The following MRPL45 variants were observed in gnomAD, a reference collection of about 807,000 sequenced individuals.
MRPL45 encodes large ribosomal subunit protein mL45.
A neutral mutation model predicts 38.1 loss-of-function variants in MRPL45; 20 were observed. The ratio of observed to expected loss-of-function variants is 0.53; its 90% CI spans 0.37 to 0.76. MRPL45 has a LOEUF of 0.76. MRPL45 is among the 30% of genes least tolerant of loss of function. The pLI is 0.00. For missense variants in MRPL45, 337 were observed against 395.6 expected (o/e 0.85, Z 1.26); for synonymous variants, 105 against 128.8 (o/e 0.82, Z 1.25).
chr17:38,302,850 G>A lies in MRPL45; in HGVS notation c.362+3382G>A, dbSNP rs2037012643. Among the ~76,000 whole-genome samples the A allele has an allele frequency of 2.7e-5, 4 of 148,224 alleles. No homozygotes were observed. The South Asian group carries it at 6.5e-4, about 24-fold the overall frequency. On this transcript the variant is annotated intron_variant, in intron 3 of 7. Transcript: ENST00000613675. ...AGTGATTCTCCTGCCTCAGCCTCCC[G>A]AGTAGCTGAGACTACAGGTGTGCGC...
At chr17:38,316,964 A>C (rs2037179835) in intron 4 of MRPL45, among the ~76,000 whole-genome samples, 1 of 151,708 alleles carries the variant, frequency 6.6e-6, no homozygotes, top group African/African-American at 2.4e-5. Flanking sequence ...TACCTGGCTA[A>C]TTTTTGTATT....
intron 4 of MRPL45, among the ~76,000 whole-genome samples, chr17:38,310,918 A>AT (rs901164780): frequency 5.3e-5 from 8 of 151,504 alleles, no homozygotes; most frequent in African/African-American, 7.3e-5. Context: ...GTATTCCTGC[A>AT]TTTTTTTTTA....
In MRPL45 at chr17:38,311,684, C is replaced by CA. The variant is rs756151374; in HGVS notation, c.461+5073dup. Among the ~76,000 whole-genome samples the CA allele has an allele frequency of 4.3e-3, 394 of 92,232 alleles. 2 individuals carry two copies. The highest frequency in any genetic ancestry group is 0.013 in the African/African-American group (346 of 26,406). 60.5% of individuals were successfully genotyped at this position (92,232 alleles called of 152,430 possible). ...CTGGCGACAGAGCGAGACTCCGTCT[C>CA]AAAAAAAAAAAAAAAAAAAAGAGAC... is the stretch of plus-strand genomic sequence containing the variant. On this transcript the variant is annotated intron_variant, in intron 4 of 7. Coordinates refer to ENST00000613675, the MANE Select transcript of MRPL45 (RefSeq NM_032351.6).
At chr17:38,305,416 G>A (rs1286187844) in intron 3 of MRPL45, among the ~76,000 whole-genome samples, 4 of 145,290 alleles carry the variant, frequency 2.8e-5, no homozygotes, top group Non-Finnish European at 6.1e-5. Flanking sequence ...GCAGTGAGCC[G>A]AGATTGCGCC....
At chr17:38,317,561 G>GT (rs991768322) in intron 4 of MRPL45, among the ~76,000 whole-genome samples, 19 of 151,594 alleles carry the variant, frequency 1.3e-4, no homozygotes, top group East Asian at 7.8e-4. Context: ...TCTGTTTTGT[G>GT]TTTTTTTTGT....
At chr17:38,319,473 G>C (rs535284615) in intron 5 of MRPL45, among the ~76,000 whole-genome samples, 25 of 152,216 alleles carry the variant, frequency 1.6e-4, no homozygotes, top group African/African-American at 6.0e-4. Flanking sequence ...GCCCTGCCTG[G>C]TTTTTCTTAA....
rs762121944 is a variant in MRPL45 at position 38,322,209 on chromosome 17, C to T, written c.744C>T (p.Phe248=). The change falls in exon 7 of 8, where the codon TTC becomes TTT. Residue 248 remains phenylalanine (F), a synonymous_variant. Transcript: ENST00000613675. The part of the protein sequence containing the change: ...VPKDVLEYVV[F]EKQLTNPYGS... ...AGGATGTCCTGGAGTATGTTGTATT[C>T]GAAAAGCAGTTGACAAACCCCTATG... The T allele has an allele frequency of 3.1e-6, 5 of 1,613,876 alleles. No homozygotes were observed. Among genetic ancestry groups the T allele is most frequent in the East Asian group, 2.2e-5 (1 of 44,890 alleles).
intron 4 of MRPL45, among the ~76,000 whole-genome samples, chr17:38,312,632 G>A (rs1466901939): frequency 1.3e-5 from 2 of 152,126 alleles, no homozygotes; most frequent in African/African-American, 2.4e-5. Flanking sequence ...TTTGGAGGCC[G>A]AAGTGGGAGG....
chr17:38,300,198 A>G (rs1334919057), intron 3 of MRPL45, among the ~76,000 whole-genome samples: 1 of 151,796 alleles, frequency 6.6e-6, no homozygotes, highest in East Asian at 1.9e-4. Context: ...TTGTATTTTT[A>G]GTAAAGACGG....
At chr17:38,304,763 C>T (rs557626963) in intron 3 of MRPL45, among the ~76,000 whole-genome samples, 2 of 152,026 alleles carry the variant, frequency 1.3e-5, no homozygotes, top group South Asian at 4.1e-4. Flanking sequence ...AGGCCAGTCT[C>T]GAACTCCTGA....
chr17:38,307,058 A>T (rs545023727), intron 4 of MRPL45, among the ~76,000 whole-genome samples: 122 of 151,868 alleles, frequency 8.0e-4, no homozygotes, highest in African/African-American at 2.7e-3. Context: ...TTTGAGATGG[A>T]GTCTCGCTCT....
intron 4 of MRPL45, among the ~76,000 whole-genome samples, chr17:38,317,050 C>T (rs2037181306): frequency 6.6e-6 from 1 of 152,166 alleles, no homozygotes; most frequent in South Asian, 2.1e-4. Flanking sequence ...CCCACCTTGG[C>T]CTCCCAAAGT....
At position 38,306,444 on chromosome 17, in the gene MRPL45, A is replaced by G. The variant is rs2037055525; in HGVS notation, c.363-89A>G. ...AAAAAAGCTAAACAGTTATTGAGTAAGTGGATGGACATGAATGGAGGTCAG... is the reference window on the plus strand; with the variant it reads ...AAAAAAGCTAAACAGTTATTGAGTAGGTGGATGGACATGAATGGAGGTCAG... On this transcript the variant is annotated intron_variant, in intron 3 of 7. Coordinates refer to ENST00000613675, the MANE Select transcript of MRPL45 (RefSeq NM_032351.6). The G allele has an allele frequency of 3.6e-6, 5 of 1,391,674 alleles. No homozygotes were observed. In the Admixed American group the frequency reaches 7.2e-5, roughly 20 times the overall value. The allele number at this position is 1,391,674 out of a possible 1,614,324, so 86.2% of individuals were successfully genotyped here.
chr17:38,322,388 G>A, intron 7 of MRPL45, 89 bp downstream of exon 7: 5 of 1,352,554 alleles, frequency 3.7e-6, no homozygotes, highest in Non-Finnish European at 5.1e-6. Context: ...TGGCGAGAGG[G>A]GGTGATGCAC....
intron 3 of MRPL45, among the ~76,000 whole-genome samples, chr17:38,305,286 G>T (rs2037040512): frequency 7.5e-6 from 1 of 134,148 alleles, no homozygotes; most frequent in African/African-American, 2.6e-5. Context: ...GGTCAGCATG[G>T]TGAAACCCCA....
At chr17:38,316,279 A>T (rs369200416) in intron 4 of MRPL45, among the ~76,000 whole-genome samples, 17 of 152,038 alleles carry the variant, frequency 1.1e-4, no homozygotes, top group Admixed American at 7.9e-4. Flanking sequence ...TGCCTGCTCA[A>T]ACCTGCTGTT....
rs1259050587 is a variant in MRPL45, at chr17:38,322,460, G to A, written c.835-49G>A. The A allele has an allele frequency of 2.6e-6, 4 of 1,522,080 alleles. No homozygotes were observed. In the South Asian group the frequency reaches 4.6e-5, roughly 18 times the overall value. The allele number at this position is 1,522,080 out of a possible 1,614,324, so 94.3% of individuals were successfully genotyped here. Reference sequence around the variant, plus strand: ...GGAGCAAGGGATGAAGCTCTTCTGGGTCAGCCATGGGCTTGGTTGGTGGGT... The same window carrying A: ...GGAGCAAGGGATGAAGCTCTTCTGGATCAGCCATGGGCTTGGTTGGTGGGT... On this transcript the variant is annotated intron_variant, in intron 7 of 7. Coordinates refer to ENST00000613675, the MANE Select transcript of MRPL45 (RefSeq NM_032351.6).
chr17:38,313,323 T>TATATAC (rs1911332662), intron 4 of MRPL45, among the ~76,000 whole-genome samples: 1 of 22,480 alleles, frequency 4.4e-5, no homozygotes, highest in African/African-American at 2.1e-4. Flanking sequence ...TATATATATA[T>TATATAC]ATATATATAC....
At chr17:38,303,477 G>T (rs1229764557) in intron 3 of MRPL45, among the ~76,000 whole-genome samples, 2 of 151,392 alleles carry the variant, frequency 1.3e-5, no homozygotes, top group African/African-American at 4.9e-5. Flanking sequence ...TGTATTTTTA[G>T]TACAGACGGG....
Sources: allele counts gnomAD v4.1 joint callset (sites outside exome capture counted in the v4.1 genomes callset), GRCh38; gene constraint gnomAD v4.1.1; transcripts MANE v1.5; gene names NCBI Gene and HGNC (gene_info 2026-07-23, HGNC 2026-07-21).